BRINP1: variants seen among roughly 807,000 people sequenced by gnomAD.
BRINP1 encodes the protein BMP/retinoic acid-inducible neural-specific protein 1.
In BRINP1, 17 loss-of-function variants were observed where a neutral mutation model predicts 72.9. That is an observed-to-expected ratio of 0.23 (90% CI 0.16 to 0.35). The LOEUF (loss-of-function observed/expected upper bound fraction) is 0.35, where lower values mean the gene tolerates loss of function less well. Among genes scored for constraint, BRINP1 ranks in the 10% least tolerant of loss-of-function variants. The pLI is 1.00. For missense variants in BRINP1, 850 were observed against 1,001.6 expected (o/e 0.85, Z 2.04); for synonymous variants, 418 against 378.5 (o/e 1.10, Z -1.21).
At chr9:119,242,930 C>A (rs1830271023) in intron 3 of BRINP1, among the ~76,000 whole-genome samples, 1 of 151,938 alleles carries the variant, frequency 6.6e-6, no homozygotes, top group East Asian at 1.9e-4. Context: ...CTCCAGGGAG[C>A]TGCCTCTATT....
At chr9:119,197,784 C>G (rs191821241) in intron 7 of BRINP1, among the ~76,000 whole-genome samples, 1 of 152,124 alleles carries the variant, frequency 6.6e-6, no homozygotes, top group Non-Finnish European at 1.5e-5. Flanking sequence ...TGTTTATGCC[C>G]GTTGCATTTG....
At chr9:119,349,045 T>C (rs917994380) in intron 1 of BRINP1, among the ~76,000 whole-genome samples, 2 of 152,108 alleles carry the variant, frequency 1.3e-5, no homozygotes, top group Non-Finnish European at 1.5e-5. Flanking sequence ...GGTTGAAACA[T>C]GGCAAAGAAA....
chr9:119,167,358 C>G lies in BRINP1; in HGVS notation c.2012G>C (p.Ser671Thr). ...SLRFNADLLR[S>T]AVQQVNQSYT... ...GGACTGGTTGACCTGCTGCACTGCA[C>G]TGCGCAGGAGGTCGGCGTTGAACCT... The change falls in exon 8 of 8, where the codon AGT becomes ACT. Residue 671 changes from serine to threonine, a missense_variant. Coordinates refer to ENST00000265922, the MANE Select transcript of BRINP1 (RefSeq NM_014618.3). The surrounding 1 kb of genome is among the most constrained non-coding windows in gnomAD (Gnocchi z 4.3). 1 of 1,614,130 alleles carries G rather than the reference C, an allele frequency of 6.2e-7. No individual in the cohort carries two copies. Among genetic ancestry groups the G allele is most frequent in the South Asian group, 1.1e-5 (1 of 91,076 alleles).
At chr9:119,309,209 T>C (rs1831034470) in intron 2 of BRINP1, among the ~76,000 whole-genome samples, 1 of 152,188 alleles carries the variant, frequency 6.6e-6, no homozygotes. Flanking sequence ...CATAAGGCAT[T>C]TAATATCATC....
rs139886257 is a variant in BRINP1 at position 119,208,917 on chromosome 9, C to A, written c.947G>T (p.Arg316Leu). 6.2e-6 allele frequency: 10 copies of A among 1,613,928 alleles called. No homozygotes were observed. Among genetic ancestry groups the A allele is most frequent in the African/African-American group, 1.3e-5 (1 of 74,904 alleles). The change falls in exon 7 of 8, where the codon CGC (arginine) becomes CTC (leucine). Residue 316 changes from arginine (R) to leucine (L), a missense_variant. Physicochemically the swap from Arg to Leu is moderately radical, Grantham distance 102. Transcript: ENST00000265922. ...GGTCAGGAAGTGGTTGCTGGGGAGG[C>A]GCTTCATAAATGATTTAAACTCATC... is the stretch of plus-strand genomic sequence containing the variant. ...NSDEFKSFMK[R>L]LPSNHFLTIG...
intron 7 of BRINP1, among the ~76,000 whole-genome samples, chr9:119,185,775 G>T (rs1829610591): frequency 6.6e-6 from 1 of 152,182 alleles, no homozygotes; most frequent in Non-Finnish European, 1.5e-5. Context: ...GCCCAGTTTA[G>T]GGAACTGCCT....
At chr9:119,316,433 T>A (rs752237058) in intron 1 of BRINP1, among the ~76,000 whole-genome samples, 2 of 152,152 alleles carry the variant, frequency 1.3e-5, no homozygotes, top group African/African-American at 4.8e-5. Flanking sequence ...TATCTGAAGA[T>A]GTCGATGATT....
intron 1 of BRINP1, among the ~76,000 whole-genome samples, chr9:119,330,579 A>G (rs1831289815): frequency 6.6e-6 from 1 of 152,198 alleles, no homozygotes. Flanking sequence ...TCAATGGTTG[A>G]CATTTATGTT....
intron 3 of BRINP1, 95 bp from the exon 4 acceptor site, chr9:119,242,311 C>T: frequency 2.0e-6 from 2 of 1,003,118 alleles, no homozygotes; most frequent in Non-Finnish European, 2.9e-6. Flanking sequence ...CCTTAAATCT[C>T]CAACCAATGT....
intron 7 of BRINP1, among the ~76,000 whole-genome samples, chr9:119,186,200 G>C (rs1829618630): frequency 6.6e-6 from 1 of 152,182 alleles, no homozygotes; most frequent in African/African-American, 2.4e-5. Context: ...GGGAAGGTAA[G>C]GCAGCTGTGT....
intron 1 of BRINP1, among the ~76,000 whole-genome samples, chr9:119,327,288 G>A (rs529980342): frequency 9.2e-5 from 14 of 152,134 alleles, no homozygotes; most frequent in Non-Finnish European, 1.9e-4. Context: ...TATTTTTCCT[G>A]ATGCTCTCTC....
chr9:119,327,070 C>G (rs1331260793), intron 1 of BRINP1, among the ~76,000 whole-genome samples: 1 of 152,176 alleles, frequency 6.6e-6, no homozygotes, highest in Non-Finnish European at 1.5e-5. Flanking sequence ...GAAGATGAAG[C>G]AAAACCTCAG....
intron 1 of BRINP1, among the ~76,000 whole-genome samples, chr9:119,323,534 C>T (rs1460097221): frequency 6.6e-6 from 1 of 152,136 alleles, no homozygotes; most frequent in Admixed American, 6.5e-5. Flanking sequence ...GGATAAGTGA[C>T]AGGCAAGCAG....
chr9:119,326,423 G>A (rs1831240382), intron 1 of BRINP1, among the ~76,000 whole-genome samples: 1 of 152,122 alleles, frequency 6.6e-6, no homozygotes, highest in Non-Finnish European at 1.5e-5. Flanking sequence ...GAAGTTCGTG[G>A]AAAACTGAAT....
At chr9:119,275,824 A>T (rs1830651278) in intron 2 of BRINP1, among the ~76,000 whole-genome samples, 1 of 152,194 alleles carries the variant, frequency 6.6e-6, no homozygotes, top group Non-Finnish European at 1.5e-5. Context: ...ATCAAAATCA[A>T]GCCTATTAAC....
chr9:119,191,529 C>CA (rs925664247), intron 7 of BRINP1, among the ~76,000 whole-genome samples: 8 of 150,748 alleles, frequency 5.3e-5, no homozygotes, highest in African/African-American at 9.7e-5. Context: ...ATCTCATTTA[C>CA]AAAAAAAATA....
rs550954157 is a variant in BRINP1 at position 119,168,962 on chromosome 9, C to T, written c.1146-738G>A. On this transcript the variant is annotated intron_variant, in intron 7 of 7. Transcript: ENST00000265922. Reference sequence around the variant, plus strand: ...AGCTACAATGAGAAATACCATTTGACCCAGCAATCCCATTATTGGGTATAT... The same window carrying T: ...AGCTACAATGAGAAATACCATTTGATCCAGCAATCCCATTATTGGGTATAT... Among the ~76,000 whole-genome samples the T allele has an allele frequency of 1.4e-4, 21 of 152,242 alleles. No individual in the cohort carries two copies. The East Asian group carries it at 3.5e-3, about 25-fold the overall frequency.
chr9:119,337,785 T>G (rs2119018881), intron 1 of BRINP1, among the ~76,000 whole-genome samples: 1 of 152,350 alleles, frequency 6.6e-6, no homozygotes, highest in East Asian at 1.9e-4. Context: ...CTCTGCCTCT[T>G]CTAGGAAGTT....
At chr9:119,193,000 C>T (rs973853745) in intron 7 of BRINP1, among the ~76,000 whole-genome samples, 22 of 152,128 alleles carry the variant, frequency 1.4e-4, no homozygotes, top group African/African-American at 5.1e-4. Flanking sequence ...AACCTACACA[C>T]ATAACCTACC....
Sources: allele counts gnomAD v4.1 joint callset (sites outside exome capture counted in the v4.1 genomes callset), GRCh38; gene constraint gnomAD v4.1.1; non-coding constraint Gnocchi (gnomAD v3.1); transcripts MANE v1.5; gene names NCBI Gene and HGNC (gene_info 2026-07-23, HGNC 2026-07-21).